ARSG: variants seen among roughly 807,000 people sequenced by gnomAD.
ARSG encodes arylsulfatase G.
ARSG carries 37 observed loss-of-function variants against 50.5 expected under a neutral mutation model. The ratio of observed to expected loss-of-function variants is 0.73; its 90% CI spans 0.56 to 0.96. ARSG has a LOEUF of 0.96. Among genes scored for constraint, ARSG ranks in the 50% least tolerant of loss-of-function variants. The pLI, the probability that ARSG is intolerant of heterozygous loss-of-function variation, is 0.00. For missense variants in ARSG, 629 were observed against 675.3 expected, an observed-to-expected ratio of 0.93 and a Z score of 0.76; for synonymous variants, 225 against 254.6, an observed-to-expected ratio of 0.88 and a Z score of 1.11.
chr17:68,391,273 C>T (rs191963528), intron 9 of ARSG, among the ~76,000 whole-genome samples: 1 of 152,206 alleles, frequency 6.6e-6, no homozygotes, highest in Admixed American at 6.5e-5. Flanking sequence ...AGCTCTTGGG[C>T]TTGGCTTTTT....
At chr17:68,431,943 G>C in the ARSG span, among the ~76,000 whole-genome samples, 1 of 152,154 alleles carries the variant, frequency 6.6e-6, no homozygotes, top group African/African-American at 2.4e-5. Flanking sequence ...GGGGTTGAAC[G>C]GCATCTTAAC....
At chr17:68,350,777 T>G (rs950569507) in intron 4 of ARSG, among the ~76,000 whole-genome samples, 1 of 148,022 alleles carries the variant, frequency 6.8e-6, no homozygotes, top group Admixed American at 7.0e-5. Flanking sequence ...AGAGCGAGAC[T>G]CCGTCTCAAA....
chr17:68,438,258 C>T, the ARSG span, among the ~76,000 whole-genome samples: 1 of 152,200 alleles, frequency 6.6e-6, no homozygotes, highest in East Asian at 1.9e-4. Context: ...CCCTGCCACC[C>T]CTTTGGCGAT....
intron 8 of ARSG, among the ~76,000 whole-genome samples, chr17:68,376,894 C>T (rs2080177772): frequency 2.0e-5 from 3 of 149,248 alleles, no homozygotes; most frequent in Admixed American, 6.7e-5. Flanking sequence ...AAGTCTTGCT[C>T]TGTCGCCCAG....
intron 1 of ARSG, among the ~76,000 whole-genome samples, chr17:68,260,276 G>C (rs1367889076): frequency 6.6e-6 from 1 of 152,120 alleles, no homozygotes; most frequent in East Asian, 1.9e-4. Flanking sequence ...CTAATGTTGA[G>C]TTATTCGTTG....
At chr17:68,388,922 CAA>C (rs35105754) in intron 9 of ARSG, among the ~76,000 whole-genome samples, 137 of 108,022 alleles carry the variant, frequency 1.3e-3, no homozygotes, top group East Asian at 4.9e-3. Context: ...GACTCTGTCT[CAA>C]AAAAAAAAAA....
chr17:68,448,276 GA>G, the ARSG span: 4 of 152,184 alleles, frequency 2.6e-5, no homozygotes, highest in African/African-American at 9.7e-5. Context: ...AAAGTTTTAA[GA>G]AAAGCAAACC....
At chr17:68,422,043 C>CTGTG, downstream of ARSG, 1 of 584,970 alleles carries the variant, frequency 1.7e-6, no homozygotes, top group East Asian at 2.8e-5. Context: ...AAAAATGTCT[C>CTGTG]TGTGTGTGTG....
chr17:68,388,939 A>AG (rs2080860948), intron 9 of ARSG, among the ~76,000 whole-genome samples: 1 of 148,284 alleles, frequency 6.7e-6, no homozygotes, highest in Non-Finnish European at 1.5e-5. Flanking sequence ...AAAAAAAAAA[A>AG]AAAAAAGAAA....
chr17:68,349,732 G>A (rs9902664), intron 4 of ARSG, among the ~76,000 whole-genome samples: 77,171 of 151,426 alleles, frequency 0.51, 19,763 homozygotes, highest in Admixed American at 0.57. Flanking sequence ...AAAATACAAA[G>A]ATTAGCTGGG....
At chr17:68,279,353 A>AAT (rs1213439287) in intron 1 of ARSG, among the ~76,000 whole-genome samples, 2 of 152,018 alleles carry the variant, frequency 1.3e-5, no homozygotes, top group African/African-American at 4.8e-5. Flanking sequence ...CTCAGTAAGC[A>AAT]ATATTCTGAT....
downstream of ARSG, chr17:68,426,238 C>CGGGGG: frequency 8.1e-6 from 5 of 615,182 alleles, no homozygotes; most frequent in Admixed American, 5.8e-5. Context: ...CATGACCTGG[C>CGGGGG]GGGTGGGGAG....
chr17:68,271,366 A>G lies in ARSG; in HGVS notation c.-552+11940A>G, dbSNP rs782651895. On this transcript the variant is annotated intron_variant, in intron 1 of 11. Transcript: ENST00000448504. This position sits in a 1 kb window ranked among gnomAD's most constrained non-coding sequence, Gnocchi z 5.3. ...GCTGGTCTTCACCAGGACCTGCTGC[A>G]TGTCGGCCTTCGGCTCCAGTTCCAG... 26 of 1,614,138 alleles carry G rather than the reference A, an allele frequency of 1.6e-5. No individual in the cohort carries two copies. Among genetic ancestry groups the G allele is most frequent in the South Asian group, 7.7e-5 (7 of 91,094 alleles).
the ARSG span, among the ~76,000 whole-genome samples, chr17:68,430,673 T>TAC: frequency 1.5e-3 from 224 of 152,292 alleles, 1 homozygote; most frequent in African/African-American, 5.2e-3. Flanking sequence ...CCAGCATGTG[T>TAC]AATGATGGAG....
Position 68,314,525 on chromosome 17 carries a change from CAAAA to C in ARSG, c.218+6831_218+6834del, listed in dbSNP as rs57021660. Reference sequence around the variant, plus strand: ...TGGGCAACAGAGCAAGACTCCATCTCAAAAAAAAAAAAAAAAAAAATTAAGTAAT... The same window carrying C: ...TGGGCAACAGAGCAAGACTCCATCTCAAAAAAAAAAAAAAAATTAAGTAAT... On this transcript the variant is annotated intron_variant, in intron 2 of 11. Transcript: ENST00000621439. Among the ~76,000 whole-genome samples the C allele has an allele frequency of 3.1e-3, 366 of 116,966 alleles. 2 individuals carry two copies. Among genetic ancestry groups the C allele is most frequent in the African/African-American group, 7.6e-3 (214 of 28,148 alleles). The allele number at this position is 116,966 out of a possible 152,430, so 76.7% of individuals were successfully genotyped here.
intron 2 of ARSG, among the ~76,000 whole-genome samples, chr17:68,339,448 T>G (rs1419303114): frequency 6.6e-6 from 1 of 152,260 alleles, no homozygotes; most frequent in Non-Finnish European, 1.5e-5. Context: ...ATTCCCTTAA[T>G]TATCCTCAAA....
At chr17:68,305,809 C>T (rs2076584156) in intron 1 of ARSG, among the ~76,000 whole-genome samples, 1 of 152,002 alleles carries the variant, frequency 6.6e-6, no homozygotes, top group Non-Finnish European at 1.5e-5. Context: ...TGTGGTGGCT[C>T]ACACCTGTAA....
At chr17:68,440,102 G>A in the ARSG span, among the ~76,000 whole-genome samples, 128 of 152,304 alleles carry the variant, frequency 8.4e-4, 1 homozygote, top group African/African-American at 2.9e-3. Flanking sequence ...AAGGATAAGA[G>A]TGAGGGCAGG....
intron 1 of ARSG, among the ~76,000 whole-genome samples, chr17:68,299,657 A>G (rs1555760844): frequency 6.6e-6 from 1 of 152,214 alleles, no homozygotes. Flanking sequence ...ATGCAGAGAA[A>G]GGAAGAGGGG....
Sources: gnomAD v4.1 joint callset for allele counts (sites outside exome capture counted in the v4.1 genomes callset) on GRCh38, gnomAD v4.1.1 for gene constraint, Gnocchi (gnomAD v3.1) non-coding constraint, MANE v1.5 for transcripts, NCBI Gene and HGNC (gene_info 2026-07-23, HGNC 2026-07-21) for gene names.